Variants in TRPM1 observed in about 807,000 individuals in gnomAD.
TRPM1 encodes TRPM1-203 APA Isoform, Intron 10.
In TRPM1, 113 loss-of-function variants were observed where a neutral mutation model predicts 149.4. The observed-to-expected ratio is 0.76, with a 90% CI of 0.65 to 0.88. The LOEUF (loss-of-function observed/expected upper bound fraction) is 0.88, where lower values mean the gene tolerates loss of function less well. Among genes scored for constraint, TRPM1 ranks in the 40% least tolerant of loss-of-function variants. The pLI is 0.00. For missense variants in TRPM1, 1,976 were observed against 2,038.7 expected (o/e 0.97, Z 0.59); for synonymous variants, 741 against 759.5 (o/e 0.98, Z 0.40).
intron 3 of TRPM1, among the ~76,000 whole-genome samples, chr15:31,074,003 T>A (rs148430475): frequency 6.3e-4 from 96 of 152,270 alleles, no homozygotes; most frequent in African/African-American, 2.2e-3. Flanking sequence ...TATTACATTA[T>A]TTATTTTTCT....
intron 1 of TRPM1, among the ~76,000 whole-genome samples, chr15:31,089,047 C>T (rs1371223370): frequency 1.3e-5 from 2 of 152,132 alleles, no homozygotes; most frequent in African/African-American, 4.8e-5. Flanking sequence ...ATCAGAAATC[C>T]AGTAATTAGG....
chr15:31,006,322 C>T (rs761290777), intron 27 of TRPM1, among the ~76,000 whole-genome samples: 8 of 152,250 alleles, frequency 5.3e-5, no homozygotes, highest in Admixed American at 2.0e-4. Flanking sequence ...GGATCACAGG[C>T]GCCCGCCACC....
chr15:31,062,419 A>T (rs1457006476), intron 9 of TRPM1, among the ~76,000 whole-genome samples, 160 bp downstream of exon 9: 1 of 152,192 alleles, frequency 6.6e-6, no homozygotes. Context: ...AGCTTCTGTC[A>T]TGTGGACACA....
At chr15:31,087,231 ATTTTTTTTTT>A (rs58872566) in intron 1 of TRPM1, among the ~76,000 whole-genome samples, 115 of 59,452 alleles carry the variant, frequency 1.9e-3, no homozygotes, top group Middle Eastern at 0.018. Context: ...CTCAATAGGG[ATTTTTTTTTT>A]TTTTTTTTTT....
At chr15:31,118,366 C>T (rs1181083335) in intron 1 of TRPM1, among the ~76,000 whole-genome samples, 1 of 152,168 alleles carries the variant, frequency 6.6e-6, no homozygotes, top group Non-Finnish European at 1.5e-5. Context: ...TTTGTAGTAA[C>T]TGTCTGAGAA....
intron 1 of TRPM1, among the ~76,000 whole-genome samples, chr15:31,137,254 G>C (rs1257315281): frequency 6.6e-6 from 1 of 152,118 alleles, no homozygotes; most frequent in African/African-American, 2.4e-5. Flanking sequence ...TCAATGGTGA[G>C]GTCTCAGAGC....
chr15:31,062,553 T>C (rs1383951722), intron 9 of TRPM1, 26 bp downstream of exon 9: 1 of 1,613,578 alleles, frequency 6.2e-7, no homozygotes, highest in African/African-American at 1.3e-5. Flanking sequence ...ACAGAGCTTG[T>C]TTGGAAATAA....
At chr15:31,141,097 G>T (rs1246776243) in intron 1 of TRPM1, among the ~76,000 whole-genome samples, 3 of 151,818 alleles carry the variant, frequency 2.0e-5, no homozygotes, top group Admixed American at 6.6e-5. Flanking sequence ...CTCCCAAAGT[G>T]CTGGGATTAC....
upstream of TRPM1, among the ~76,000 whole-genome samples, chr15:31,105,466 TGTGTGTGCGC>T (rs1394263108): frequency 3.9e-3 from 450 of 114,046 alleles, 1 homozygote; most frequent in African/African-American, 0.017. Context: ...TGTGTGTGTG[TGTGTGTGCGC>T]GCGCGCGCGC....
intron 22 of TRPM1, 175 bp from the exon 23 acceptor site, chr15:31,031,332 A>G (rs1595994946): frequency 1.5e-6 from 1 of 657,234 alleles, no homozygotes; most frequent in Non-Finnish European, 2.7e-6. Flanking sequence ...ACTCCATGCA[A>G]TGCTTTATGC....
rs761809674 is a variant in TRPM1 at position 31,076,974 on chromosome 15, G to A, written c.14C>T (p.Ser5Phe). 6 of 1,611,306 alleles carry A rather than the reference G, an allele frequency of 3.7e-6. No homozygotes were observed. In the African/African-American group the frequency reaches 8.0e-5, roughly 22 times the overall value. The change falls in exon 3 of 28, where the codon TCT becomes TTT. Residue 5 changes from serine to phenylalanine, a missense_variant. Transcript: ENST00000256552. ...TTTGCAAAAGGTTTTCTCTATCCAA[G>A]ATTTCTGACCCTGGAAGAGAGAGAG... The part of the protein sequence containing the change: MGQK[S>F]WIEKTFCKRE...
intron 7 of TRPM1, among the ~76,000 whole-genome samples, chr15:31,065,780 A>G (rs1379029552): frequency 6.6e-6 from 1 of 152,204 alleles, no homozygotes; most frequent in Non-Finnish European, 1.5e-5. Context: ...AATAACAACT[A>G]ATTACAGGGA....
chr15:31,153,460 G>T (rs2036329336), intron 1 of TRPM1, among the ~76,000 whole-genome samples: 1 of 152,128 alleles, frequency 6.6e-6, no homozygotes, highest in South Asian at 2.1e-4. Flanking sequence ...GAGTAGTGGG[G>T]ATTACAGGAA....
At chr15:31,069,343 T>A (rs1174277824) in intron 4 of TRPM1, 3 of 869,280 alleles carry the variant, frequency 3.5e-6, no homozygotes. Context: ...TCTTTGTGTC[T>A]GGGCTAATAT....
chr15:31,006,642 C>T (rs1466311663), intron 27 of TRPM1, among the ~76,000 whole-genome samples: 3 of 152,136 alleles, frequency 2.0e-5, no homozygotes, highest in Non-Finnish European at 4.4e-5. Context: ...GTTAAATAGC[C>T]GAGATTGCTG....
At chr15:31,022,864 TA>T (rs918725609) in intron 27 of TRPM1, among the ~76,000 whole-genome samples, 13 of 151,804 alleles carry the variant, frequency 8.6e-5, no homozygotes, top group Admixed American at 7.9e-4. Flanking sequence ...AAATAAAAAA[TA>T]AAAAAAATTA....
intron 5 of TRPM1, among the ~76,000 whole-genome samples, chr15:31,067,514 C>T (rs1258148238): frequency 6.6e-6 from 1 of 151,608 alleles, no homozygotes; most frequent in African/African-American, 2.4e-5. Flanking sequence ...AATTGAGAGC[C>T]ATACTGCCTG....
chr15:31,023,812 A>G (rs7177217), intron 27 of TRPM1, among the ~76,000 whole-genome samples: 15,599 of 152,276 alleles, frequency 0.1, 1,455 homozygotes, highest in African/African-American at 0.25. Context: ...GTGTTGTGTC[A>G]ATCAATGCTG....
chr15:31,137,587 A>G (rs1389100857), intron 1 of TRPM1, among the ~76,000 whole-genome samples: 1 of 150,840 alleles, frequency 6.6e-6, no homozygotes, highest in African/African-American at 2.4e-5. Flanking sequence ...AAGAGACAAC[A>G]AGATTCTAAA....
Sources: allele counts gnomAD v4.1 joint callset (sites outside exome capture counted in the v4.1 genomes callset), GRCh38; gene constraint gnomAD v4.1.1; transcripts MANE v1.5; gene names NCBI Gene and HGNC (gene_info 2026-07-23, HGNC 2026-07-21).